PPP1R21: variants seen among roughly 807,000 people sequenced by gnomAD.
The protein encoded by PPP1R21 is KLRAQ motif containing 1.
Under a neutral mutation model 112.8 loss-of-function variants are expected in PPP1R21, and 85 were observed. The observed-to-expected ratio is 0.75, with a 90% CI of 0.63 to 0.90. The LOEUF (loss-of-function observed/expected upper bound fraction) is 0.90. Ranked by LOEUF, PPP1R21 falls within the 40% of genes least tolerant of loss-of-function variation. The pLI is 0.00. For missense variants in PPP1R21, 1,199 were observed against 901.5 expected (o/e 1.33, Z -4.23); for synonymous variants, 381 against 322.3 (o/e 1.18, Z -1.95).
intron 13 of PPP1R21, among the ~76,000 whole-genome samples, chr2:48,480,453 C>CT (rs1376620541): frequency 6.6e-6 from 1 of 152,170 alleles, no homozygotes; most frequent in Non-Finnish European, 1.5e-5. Flanking sequence ...TTTTAAATGC[C>CT]TTTTAAAGTC....
intron 19 of PPP1R21, among the ~76,000 whole-genome samples, chr2:48,509,481 A>C (rs1670534383): frequency 6.6e-6 from 1 of 151,824 alleles, no homozygotes; most frequent in Non-Finnish European, 1.5e-5. Context: ...TGAGGTGGGC[A>C]GATCACTTGA....
At chr2:48,474,203 T>C (rs569981929) in intron 11 of PPP1R21, among the ~76,000 whole-genome samples, 2 of 151,686 alleles carry the variant, frequency 1.3e-5, no homozygotes, top group East Asian at 3.9e-4. Context: ...ACCAACACAG[T>C]GAAACCTTGT....
rs1417436732 is a variant in PPP1R21, at chr2:48,515,026, T to C, written c.*282T>C. The C allele has an allele frequency of 2.6e-6, 1 of 386,270 alleles. No individual in the cohort carries two copies. Among genetic ancestry groups the C allele is most frequent in the Non-Finnish European group, 4.6e-6 (1 of 218,958 alleles). The allele number at this position is 386,270 out of a possible 1,614,324, so 23.9% of individuals were successfully genotyped here. ...GTTTTTACTGTGCACTTTTTAAAAT[T>C]AGGTTTTAATTTCAGTATGTAAGAA... On this transcript the variant is annotated 3_prime_UTR_variant, in exon 22 of 22. Transcript: ENST00000294952.
intron 11 of PPP1R21, among the ~76,000 whole-genome samples, chr2:48,474,292 A>C (rs1668648310): frequency 6.6e-6 from 1 of 152,164 alleles, no homozygotes; most frequent in African/African-American, 2.4e-5. Context: ...CTGAGGCACG[A>C]GAATGGCTTG....
rs1165983396 is a variant in PPP1R21, at chr2:48,440,773, C to G, written c.-181C>G. ...CGCTCCGCCCCCGGCCCCACTCCACCTTCCTCCCACCCCGGGAACCCGGAA... is the reference window on the plus strand; with the variant it reads ...CGCTCCGCCCCCGGCCCCACTCCACGTTCCTCCCACCCCGGGAACCCGGAA... On this transcript the variant is annotated 5_prime_UTR_variant, in exon 1 of 22. Coordinates refer to ENST00000294952, the MANE Select transcript of PPP1R21 (RefSeq NM_001135629.3). 2 of 610,826 alleles carry G rather than the reference C, an allele frequency of 3.3e-6. No individual in the cohort carries two copies. Among genetic ancestry groups the G allele is most frequent in the African/African-American group, 2.0e-5 (1 of 51,180 alleles). The allele number at this position is 610,826 out of a possible 1,614,324, so 37.8% of individuals were successfully genotyped here.
intron 1 of PPP1R21, among the ~76,000 whole-genome samples, chr2:48,447,947 C>T (rs961667985): frequency 2.6e-5 from 4 of 151,018 alleles, no homozygotes; most frequent in African/African-American, 4.9e-5. Context: ...GAGACTCAGT[C>T]TCAAAATAAA....
At chr2:48,473,012 A>G (rs1484239080) in intron 11 of PPP1R21, among the ~76,000 whole-genome samples, 1 of 150,924 alleles carries the variant, frequency 6.6e-6, no homozygotes, top group East Asian at 1.9e-4. Context: ...TTAAAAAAAA[A>G]AAAAAAGAAA....
At chr2:48,453,949 C>G (rs1189326680) in intron 2 of PPP1R21, among the ~76,000 whole-genome samples, 1 of 151,876 alleles carries the variant, frequency 6.6e-6, no homozygotes, top group Non-Finnish European at 1.5e-5. Flanking sequence ...ATCAGTAAAT[C>G]TGAGGTTCTT....
In PPP1R21 at chr2:48,465,539, A is replaced by T. The variant is rs1190860518; in HGVS notation, c.794A>T (p.Asp265Val). ...GGGCAGGCCCTGGCTTTTGTTCAGG[A>T]TCTTGTGACGGCTCTTCTAAACTTT... ...IAGQALAFVQ[D>V]LVTALLNFHT... The change falls in exon 9 of 22, where the codon GAT becomes GTT. Residue 265 changes from aspartate to valine, a missense_variant. By Grantham distance (152) the Asp-to-Val change is radical (BLOSUM62 -3). Coordinates refer to ENST00000294952, the MANE Select transcript of PPP1R21 (RefSeq NM_001135629.3). 3 of 1,613,966 alleles carry T rather than the reference A, an allele frequency of 1.9e-6. No homozygotes were observed. The highest frequency in any genetic ancestry group is 2.5e-6 in the Non-Finnish European group (3 of 1,179,940).
intron 21 of PPP1R21, among the ~76,000 whole-genome samples, chr2:48,514,377 A>T (rs940244909): frequency 2.0e-5 from 3 of 151,986 alleles, no homozygotes; most frequent in Admixed American, 6.6e-5. Context: ...ACATTTTTTT[A>T]TTCAGCTTCT....
At chr2:48,469,638 A>G (rs1033401918) in intron 9 of PPP1R21, among the ~76,000 whole-genome samples, 2 of 147,606 alleles carry the variant, frequency 1.4e-5, no homozygotes, top group Non-Finnish European at 3.0e-5. Context: ...TTTGTCCATT[A>G]TTGGAATTTT....
chr2:48,487,249 C>G (rs984435681), intron 14 of PPP1R21, among the ~76,000 whole-genome samples: 2 of 152,122 alleles, frequency 1.3e-5, no homozygotes, highest in African/African-American at 4.8e-5. Flanking sequence ...AATATACGTT[C>G]CATTAATACT....
rs1228109531 is a variant in PPP1R21 at position 48,510,093 on chromosome 2, C to G, written c.2164C>G (p.Gln722Glu). 2 of 1,613,794 alleles carry G rather than the reference C, an allele frequency of 1.2e-6. No individual in the cohort carries two copies. The highest frequency in any genetic ancestry group is 2.2e-5 in the East Asian group (1 of 44,866). ...ALTEEMKLAS[Q>E]NISRLQDELT... Reference sequence around the variant, plus strand: ...GACAGAAGAAATGAAACTTGCCAGTCAGAACATCAGCAGACTTCAGGTGAG... The same window carrying G: ...GACAGAAGAAATGAAACTTGCCAGTGAGAACATCAGCAGACTTCAGGTGAG... The change falls in exon 20 of 22, where the codon CAG becomes GAG. Residue 722 changes from glutamine to glutamate, a missense_variant. Transcript: ENST00000294952.
At chr2:48,446,580 T>C (rs1667257554) in intron 1 of PPP1R21, among the ~76,000 whole-genome samples, 1 of 152,216 alleles carries the variant, frequency 6.6e-6, no homozygotes, top group Non-Finnish European at 1.5e-5. Flanking sequence ...TTTATTAATT[T>C]GATTTGATTA....
chr2:48,458,545 A>G (rs1286744651), intron 4 of PPP1R21, among the ~76,000 whole-genome samples: 3 of 151,756 alleles, frequency 2.0e-5, no homozygotes, highest in Non-Finnish European at 2.9e-5. Context: ...GGAGCTTACC[A>G]ATAAATGGTA....
intron 17 of PPP1R21, among the ~76,000 whole-genome samples, chr2:48,503,791 A>C (rs954293047): frequency 6.9e-6 from 1 of 143,968 alleles, no homozygotes; most frequent in Non-Finnish European, 1.5e-5. Context: ...ACTAAAGATT[A>C]AAAAAAAAAA....
At chr2:48,491,367 C>G (rs1669555726) in intron 15 of PPP1R21, among the ~76,000 whole-genome samples, 197 bp downstream of exon 15, 2 of 152,020 alleles carry the variant, frequency 1.3e-5, no homozygotes, top group African/African-American at 4.8e-5. Context: ...GCAGCGTTGC[C>G]TATATTCGTA....
At chr2:48,480,713 C>G (rs75732854) in intron 13 of PPP1R21, among the ~76,000 whole-genome samples, 14,772 of 151,672 alleles carry the variant, frequency 0.097, 797 homozygotes, top group Non-Finnish European at 0.11. Flanking sequence ...AAGGAGGAGA[C>G]GGGCAGGAGC....
intron 15 of PPP1R21, among the ~76,000 whole-genome samples, chr2:48,493,684 A>AT (rs1287454322): frequency 6.6e-6 from 1 of 151,976 alleles, no homozygotes; most frequent in Non-Finnish European, 1.5e-5. Flanking sequence ...CTAAATAATT[A>AT]TTTTTTTTCA....
Sources: allele counts gnomAD v4.1 joint callset (sites outside exome capture counted in the v4.1 genomes callset), GRCh38; gene constraint gnomAD v4.1.1; transcripts MANE v1.5; gene names NCBI Gene and HGNC (gene_info 2026-07-23, HGNC 2026-07-21).